The following NRXN3 variants were observed in gnomAD, a reference collection of about 807,000 sequenced individuals.
The protein encoded by NRXN3 is neurexin III.
NRXN3 carries 32 observed loss-of-function variants against 137.6 expected under a neutral mutation model. That is an observed-to-expected ratio of 0.23 (90% CI 0.18 to 0.31). The LOEUF is 0.31. Among genes scored for constraint, NRXN3 ranks in the 10% least tolerant of loss-of-function variants. NRXN3 has a pLI of 1.00. For missense variants in NRXN3, 1,574 were observed against 2,062.5 expected (o/e 0.76, Z 4.59); for synonymous variants, 798 against 784.5 (o/e 1.02, Z -0.29).
At chr14:78,723,287 C>T (rs1365200189) in intron 8 of NRXN3, among the ~76,000 whole-genome samples, 1 of 152,086 alleles carries the variant, frequency 6.6e-6, no homozygotes, top group Non-Finnish European at 1.5e-5. Flanking sequence ...GAGATAAGAG[C>T]CCTCCCTGAA....
chr14:78,793,332 C>A (rs2098811265), intron 8 of NRXN3, among the ~76,000 whole-genome samples: 1 of 152,046 alleles, frequency 6.6e-6, no homozygotes, highest in Admixed American at 6.5e-5. Context: ...TTTAAATATG[C>A]AAGAAATACA....
chr14:78,992,353 C>T (rs1335783409), intron 15 of NRXN3, among the ~76,000 whole-genome samples: 1 of 152,146 alleles, frequency 6.6e-6, no homozygotes, highest in Non-Finnish European at 1.5e-5. Flanking sequence ...GTGAGCACCA[C>T]CTGAAAATCA....
intron 15 of NRXN3, among the ~76,000 whole-genome samples, chr14:79,133,753 G>T (rs1423447016): frequency 6.6e-6 from 1 of 151,610 alleles, no homozygotes; most frequent in Non-Finnish European, 1.5e-5. Flanking sequence ...GTGAAATCCT[G>T]TCTCTACTAA....
chr14:79,848,196 A>G (rs1236043606), intron 20 of NRXN3, among the ~76,000 whole-genome samples: 1 of 152,234 alleles, frequency 6.6e-6, no homozygotes, highest in Non-Finnish European at 1.5e-5. Context: ...AAGAGGAAAT[A>G]TCTTCATAAA....
chr14:79,433,547 G>A (rs2095797522), intron 15 of NRXN3, among the ~76,000 whole-genome samples: 1 of 151,958 alleles, frequency 6.6e-6, no homozygotes, highest in East Asian at 1.9e-4. Flanking sequence ...ATAGCAGTGG[G>A]ACCCCAATTC....
intron 19 of NRXN3, among the ~76,000 whole-genome samples, chr14:79,788,249 C>G (rs781300207): frequency 6.6e-6 from 1 of 152,152 alleles, no homozygotes; most frequent in South Asian, 2.1e-4. Flanking sequence ...TACTTCCCAC[C>G]GGGTTCCCTC....
At chr14:78,798,046 C>A (rs1400990694) in intron 8 of NRXN3, among the ~76,000 whole-genome samples, 2 of 152,136 alleles carry the variant, frequency 1.3e-5, no homozygotes, top group African/African-American at 4.8e-5. Flanking sequence ...CCATCCCTGA[C>A]CCCTCCCAAA....
intron 16 of NRXN3, among the ~76,000 whole-genome samples, chr14:79,515,753 C>T (rs1482023160): frequency 2.6e-5 from 4 of 152,132 alleles, no homozygotes; most frequent in Admixed American, 6.6e-5. Flanking sequence ...TCTCTTTCCC[C>T]CATTAATAGA....
chr14:79,463,799 G>T (rs2096384281), intron 15 of NRXN3, among the ~76,000 whole-genome samples: 1 of 152,084 alleles, frequency 6.6e-6, no homozygotes, highest in African/African-American at 2.4e-5. Flanking sequence ...GAAGTACGAG[G>T]CTCAGGGGAG....
chr14:78,422,962 C>G (rs2093510104), intron 4 of NRXN3, among the ~76,000 whole-genome samples: 1 of 152,126 alleles, frequency 6.6e-6, no homozygotes, highest in Non-Finnish European at 1.5e-5. Context: ...TAAAAACAAA[C>G]AAATATCACA....
Position 78,320,253 on chromosome 14 carries a change from C to T in NRXN3, c.757+22393C>T, listed in dbSNP as rs148715430. Among the ~76,000 whole-genome samples the T allele has an allele frequency of 3.8e-3, 584 of 152,236 alleles. 3 individuals are homozygous for T. The highest frequency in any genetic ancestry group is 0.013 in the African/African-American group (544 of 41,548). On this transcript the variant is annotated intron_variant, in intron 4 of 20. Transcript: ENST00000335750. ...ACCACTTGGGAGGGGGTTTCTTCAC[C>T]GGGATTTTCGTTGTTATTTTAGTTA...
At chr14:79,322,694 T>C (rs1034624243) in intron 15 of NRXN3, among the ~76,000 whole-genome samples, 1 of 152,210 alleles carries the variant, frequency 6.6e-6, no homozygotes, top group Non-Finnish European at 1.5e-5. Context: ...ACAATCAGTT[T>C]AGGAAAGATT....
chr14:79,374,126 G>C lies in NRXN3; in HGVS notation c.3263-93095G>C, dbSNP rs1360199134. 3.3e-5 allele frequency among the ~76,000 whole-genome samples: 5 copies of C among 152,206 alleles called. No homozygotes were observed. In the East Asian group the frequency reaches 5.8e-4, roughly 18 times the overall value. ...CAATGCCATGTCATGAAAGTAAAGT[G>C]AATTTTTTTGTTTGTATTATACTGG... On this transcript the variant is annotated intron_variant, in intron 15 of 20. Transcript: ENST00000335750.
intron 15 of NRXN3, among the ~76,000 whole-genome samples, chr14:79,307,646 G>A (rs1047390334): frequency 2.0e-5 from 3 of 152,086 alleles, no homozygotes; most frequent in Non-Finnish European, 4.4e-5. Flanking sequence ...TCACTCACAT[G>A]CCTGGCAAGT....
intron 16 of NRXN3, among the ~76,000 whole-genome samples, chr14:79,591,072 T>C (rs2097799316): frequency 6.6e-6 from 1 of 152,188 alleles, no homozygotes; most frequent in Admixed American, 6.5e-5. Flanking sequence ...ACCGAGCTAG[T>C]ATTTTCATTA....
intron 10 of NRXN3, among the ~76,000 whole-genome samples, chr14:78,927,770 C>G (rs2099309987): frequency 6.6e-6 from 1 of 152,130 alleles, no homozygotes. Context: ...TGCATGCAAA[C>G]TTAAGCTTGC....
chr14:79,531,039 C>A (rs1177619078), intron 16 of NRXN3, among the ~76,000 whole-genome samples: 2 of 152,156 alleles, frequency 1.3e-5, no homozygotes, highest in African/African-American at 4.8e-5. Flanking sequence ...AGTGTCCTCA[C>A]ATTTGGATTG....
chr14:78,536,820 A>G (rs1315958060), intron 4 of NRXN3, among the ~76,000 whole-genome samples: 1 of 150,632 alleles, frequency 6.6e-6, no homozygotes, highest in African/African-American at 2.4e-5. Flanking sequence ...AGTGAACTCA[A>G]TGTTCCATTC....
At chr14:78,567,698 A>T (rs1384280276) in intron 4 of NRXN3, among the ~76,000 whole-genome samples, 1 of 152,136 alleles carries the variant, frequency 6.6e-6, no homozygotes, top group East Asian at 1.9e-4. Context: ...ATTATGAATA[A>T]TAATAATAGT....
Sources: gnomAD v4.1 joint callset for allele counts (sites outside exome capture counted in the v4.1 genomes callset) on GRCh38, gnomAD v4.1.1 for gene constraint, MANE v1.5 for transcripts, NCBI Gene and HGNC (gene_info 2026-07-23, HGNC 2026-07-21) for gene names.